The following LHCGR variants were observed in gnomAD, a reference collection of about 807,000 sequenced individuals.
LHCGR encodes lutropin-choriogonadotropic hormone receptor.
In LHCGR, 55 loss-of-function variants were observed where a neutral mutation model predicts 60.7. The ratio of observed to expected loss-of-function variants is 0.91; its 90% CI spans 0.73 to 1.13. The LOEUF (loss-of-function observed/expected upper bound fraction) is 1.13. Among genes scored for constraint, LHCGR ranks in the 50% most tolerant of loss-of-function variants. The pLI, the probability that LHCGR is intolerant of heterozygous loss-of-function variation, is 0.00. For missense variants in LHCGR, 862 were observed against 836.0 expected (o/e 1.03, Z -0.38); for synonymous variants, 337 against 316.5 (o/e 1.06, Z -0.69).
chr2:48,733,044 A>G (rs1669067433), intron 1 of LHCGR: 1 of 516,902 alleles, frequency 1.9e-6, no homozygotes, highest in African/African-American at 1.9e-5. Context: ...TCCTGATTAA[A>G]AACACAGTTT....
intron 1 of LHCGR, among the ~76,000 whole-genome samples, chr2:48,752,335 C>G (rs1387431131): frequency 6.6e-6 from 1 of 152,016 alleles, no homozygotes; most frequent in African/African-American, 2.4e-5. Flanking sequence ...TACTAGGACC[C>G]CAAATGACTA....
chr2:48,723,397 C>G, intron 6 of LHCGR, 59 bp downstream of exon 6: 1 of 1,186,056 alleles, frequency 8.4e-7, no homozygotes, highest in South Asian at 1.2e-5. Flanking sequence ...TCACCCCAAC[C>G]TAGTAGTGAG....
At chr2:48,723,579 C>T in intron 5 of LHCGR, 43 bp downstream of exon 5, 1 of 1,605,008 alleles carries the variant, frequency 6.2e-7, no homozygotes, top group Non-Finnish European at 8.5e-7. Context: ...ATTTTAGCTG[C>T]AAATAGGAAA....
At chr2:48,755,234 C>T (rs572678067) in intron 1 of LHCGR, among the ~76,000 whole-genome samples, 1 of 151,886 alleles carries the variant, frequency 6.6e-6, no homozygotes, top group South Asian at 2.1e-4. Context: ...AGAGAGCAGG[C>T]CTTCCCCTGA....
intron 2 of LHCGR, 112 bp from the exon 3 acceptor site, chr2:48,729,339 C>T: frequency 4.9e-6 from 4 of 819,974 alleles, no homozygotes; most frequent in African/African-American, 1.7e-5. Context: ...ACTGTGTCCC[C>T]CTGAAAAGAA....
rs1679928938 is a variant in LHCGR at position 48,687,076 on chromosome 2, G to A, written c.*621C>T. 1 of 152,236 alleles carries A rather than the reference G, an allele frequency of 6.6e-6. No homozygotes were observed. The highest frequency in any genetic ancestry group is 2.4e-5 in the African/African-American group (1 of 41,442). The allele number at this position is 152,236 out of a possible 1,614,324, so 9.4% of individuals were successfully genotyped here. On this transcript the variant is annotated 3_prime_UTR_variant, in exon 11 of 11. Transcript: ENST00000294954. ...GAATCCAGATAGGGCATAGATAAAAGTCTCTATAATAGAACAGATAGAACT... is the reference window on the plus strand; with the variant it reads ...GAATCCAGATAGGGCATAGATAAAAATCTCTATAATAGAACAGATAGAACT...
At chr2:48,702,614 A>C (rs886866951) in intron 8 of LHCGR, among the ~76,000 whole-genome samples, 1 of 152,184 alleles carries the variant, frequency 6.6e-6, no homozygotes, top group Non-Finnish European at 1.5e-5. Context: ...ATGGCTGCAT[A>C]GTATTTCATG....
At chr2:48,710,674 G>A (rs1378428949) in intron 7 of LHCGR, among the ~76,000 whole-genome samples, 1 of 152,150 alleles carries the variant, frequency 6.6e-6, no homozygotes. Flanking sequence ...TGGGTGCTCT[G>A]GGAACAGTAT....
At chr2:48,742,158 T>A (rs1221344337) in intron 1 of LHCGR, among the ~76,000 whole-genome samples, 1 of 151,930 alleles carries the variant, frequency 6.6e-6, no homozygotes, top group Non-Finnish European at 1.5e-5. Context: ...TAAATATATA[T>A]GGACCCAATA....
chr2:48,736,829 G>A (rs1669223914), intron 1 of LHCGR, among the ~76,000 whole-genome samples: 1 of 152,170 alleles, frequency 6.6e-6, no homozygotes, highest in Non-Finnish European at 1.5e-5. Context: ...TTCTATAGAT[G>A]GATTTACTGC....
At chr2:48,752,696 A>G (rs750514007) in intron 1 of LHCGR, among the ~76,000 whole-genome samples, 3 of 151,912 alleles carry the variant, frequency 2.0e-5, no homozygotes, top group Non-Finnish European at 4.4e-5. Context: ...CTTTACCCAT[A>G]GGTCTTCTTA....
chr2:48,696,672 G>A (rs372968504), intron 9 of LHCGR, among the ~76,000 whole-genome samples: 1 of 152,156 alleles, frequency 6.6e-6, no homozygotes, highest in Non-Finnish European at 1.5e-5. Context: ...GGCTGTGAGG[G>A]CCTCAACTTT....
At chr2:48,706,425 A>G (rs1373663536) in intron 8 of LHCGR, among the ~76,000 whole-genome samples, 1 of 152,106 alleles carries the variant, frequency 6.6e-6, no homozygotes, top group Non-Finnish European at 1.5e-5. Context: ...TATTTCCTGA[A>G]TTTGAATGTT....
intron 8 of LHCGR, among the ~76,000 whole-genome samples, chr2:48,707,638 T>C (rs1327082873): frequency 1.3e-5 from 2 of 152,260 alleles, no homozygotes; most frequent in African/African-American, 2.4e-5. Flanking sequence ...TGAGCTGTAT[T>C]GGGCTCCGCC....
At chr2:48,740,823 C>T (rs765719342) in intron 1 of LHCGR, among the ~76,000 whole-genome samples, 65 of 152,310 alleles carry the variant, frequency 4.3e-4, no homozygotes, top group Admixed American at 6.5e-4. Flanking sequence ...TCACCAGCAA[C>T]GGAACAAAGC....
chr2:48,688,764 G>A lies in LHCGR; in HGVS notation c.1033C>T (p.Pro345Ser). The A allele has an allele frequency of 6.2e-7, 1 of 1,614,112 alleles. No homozygotes were observed. Among genetic ancestry groups the A allele is most frequent in the African/African-American group, 1.3e-5 (1 of 75,026 alleles). Reference sequence around the variant, plus strand: ...CAGGGATTAAAAGCATCTGGTTCAGGAGCACATCGGGGTGTCTTGGGTAAG... The same window carrying A: ...CAGGGATTAAAAGCATCTGGTTCAGAAGCACATCGGGGTGTCTTGGGTAAG... ...FCLPKTPRCA[P>S]EPDAFNPCED... The change falls in exon 11 of 11, where the codon CCT becomes TCT. Residue 345 changes from proline (P) to serine (S), a missense_variant. Transcript: ENST00000294954. The surrounding 1 kb of genome is among the most constrained non-coding windows in gnomAD (Gnocchi z 5.2).
intron 1 of LHCGR, among the ~76,000 whole-genome samples, chr2:48,742,234 T>A (rs941603598): frequency 2.0e-5 from 3 of 151,982 alleles, no homozygotes; most frequent in African/African-American, 7.2e-5. Context: ...CTCCCACACA[T>A]TAATAATGGG....
rs943056469 is a variant in LHCGR, at chr2:48,734,987, C to G, written c.162-3689G>C. 1.5e-4 allele frequency among the ~76,000 whole-genome samples: 23 copies of G among 152,200 alleles called. 1 individual carries two copies. The highest frequency in any genetic ancestry group is 1.2e-3 in the Admixed American group (18 of 15,274). On this transcript the variant is annotated intron_variant, in intron 1 of 10. Coordinates refer to ENST00000294954, the MANE Select transcript of LHCGR (RefSeq NM_000233.4). ...ATATGGCTGTAGAACTATGCAGCTA[C>G]TTAAATTTATTATATTTTCACAGTC...
chr2:48,738,907 A>C (rs1376658612), intron 1 of LHCGR, among the ~76,000 whole-genome samples: 1 of 152,248 alleles, frequency 6.6e-6, no homozygotes, highest in Non-Finnish European at 1.5e-5. Flanking sequence ...TAGAAAATTG[A>C]AAATTACTCG....
Sources: gnomAD v4.1 joint callset for allele counts (sites outside exome capture counted in the v4.1 genomes callset) on GRCh38, gnomAD v4.1.1 for gene constraint, Gnocchi (gnomAD v3.1) non-coding constraint, MANE v1.5 for transcripts, NCBI Gene and HGNC (gene_info 2026-07-23, HGNC 2026-07-21) for gene names.